ABCC3: variants seen among roughly 807,000 people sequenced by gnomAD.
The protein encoded by ABCC3 is ATP-binding cassette sub-family C member 3.
Under a neutral mutation model 165.3 loss-of-function variants are expected in ABCC3, and 121 were observed. The ratio of observed to expected loss-of-function variants is 0.73; its 90% CI spans 0.63 to 0.85. The LOEUF is 0.85. Ranked by LOEUF, ABCC3 falls within the 40% of genes least tolerant of loss-of-function variation. The probability of loss-of-function intolerance (pLI) is 0.00; values close to 1 mark genes in which losing one functional copy is unlikely to be tolerated. For synonymous variants in ABCC3, 733 were observed against 810.1 expected, an observed-to-expected ratio of 0.90 and a Z score of 1.62; for missense variants, 1,869 against 1,964.1, an observed-to-expected ratio of 0.95 and a Z score of 0.92.
intron 5 of ABCC3, 27 bp downstream of exon 5, chr17:50,658,234 G>A (rs1210206455): frequency 4.3e-6 from 7 of 1,614,072 alleles, no homozygotes; most frequent in African/African-American, 1.3e-5. Context: ...GGGTGCGGGG[G>A]CTCCACAGCT....
At chr17:50,646,335 G>A (rs1381115673) in intron 1 of ABCC3, among the ~76,000 whole-genome samples, 1 of 152,210 alleles carries the variant, frequency 6.6e-6, no homozygotes, top group Non-Finnish European at 1.5e-5. Context: ...GAAAGGCGGG[G>A]AGAGGGTCAT....
In ABCC3 at chr17:50,675,771, G is replaced by A; in HGVS notation, c.2855G>A (p.Gly952Asp). The part of the protein sequence containing the change: ...ALTQEEKAAI[G>D]TVELSVFWDY... ...ACCCAGGAGGAGAAAGCAGCCATTG[G>A]CACTGTGAGTCGGTGGGGCAAGAGG... Residue 952 changes from glycine to aspartate, a missense_variant, in exon 21 of 31, where the codon GGC (glycine) becomes GAC (aspartate). Coordinates refer to ENST00000285238, the MANE Select transcript of ABCC3 (RefSeq NM_003786.4). The A allele has an allele frequency of 6.4e-7, 1 of 1,570,722 alleles. No individual in the cohort carries two copies. The highest frequency in any genetic ancestry group is 1.2e-5 in the South Asian group (1 of 86,240).
chr17:50,679,690 G>GATC, intron 25 of ABCC3, 108 bp from the exon 26 acceptor site: 10 of 1,077,812 alleles, frequency 9.3e-6, no homozygotes, highest in South Asian at 1.4e-5. Context: ...TCATCCATGG[G>GATC]CTAGGATCCC....
chr17:50,649,294 T>C (rs925512385), intron 1 of ABCC3, among the ~76,000 whole-genome samples: 10 of 152,146 alleles, frequency 6.6e-5, no homozygotes, highest in African/African-American at 2.2e-4. Context: ...GCAGTATTAA[T>C]GGACAGAGAA....
chr17:50,666,138 C>A (rs912737405), intron 11 of ABCC3, among the ~76,000 whole-genome samples: 5 of 152,154 alleles, frequency 3.3e-5, no homozygotes, highest in African/African-American at 1.2e-4. Flanking sequence ...CCCCCTCTTG[C>A]CTGCCTAACT....
intron 1 of ABCC3, among the ~76,000 whole-genome samples, chr17:50,637,597 G>A (rs1264450551): frequency 2.0e-5 from 3 of 152,176 alleles, no homozygotes; most frequent in Non-Finnish European, 2.9e-5. Context: ...CCTCTGGGCC[G>A]CTCATTTAAT....
Position 50,658,175 on chromosome 17 carries a change from C to T in ABCC3, c.580C>T (p.Pro194Ser), listed in dbSNP as rs777774507. 15 of 1,614,224 alleles carry T rather than the reference C, an allele frequency of 9.3e-6. No homozygotes were observed. The South Asian group carries it at 1.6e-4, about 18-fold the overall frequency. Residue 194 changes from proline to serine, a missense_variant, in exon 5 of 31, where the codon CCT becomes TCT. Coordinates refer to ENST00000285238, the MANE Select transcript of ABCC3 (RefSeq NM_003786.4). ...ALILACFREK[P>S]PFFSAKNVDP... ...CATCTTGGCCTGCTTCAGGGAGAAA[C>T]CTCCATTTTTCTCCGCAAAGAATGT...
At chr17:50,635,911 A>C in intron 1 of ABCC3, 12 of 243,444 alleles carry the variant, frequency 4.9e-5, no homozygotes, top group South Asian at 8.2e-5. Flanking sequence ...AGAAAAGAAA[A>C]TCAAGCCTTT....
chr17:50,669,597 C>G, intron 17 of ABCC3, 69 bp downstream of exon 17: 1 of 1,520,392 alleles, frequency 6.6e-7, no homozygotes, highest in Non-Finnish European at 9.0e-7. Context: ...AGCCCAGGTC[C>G]ATATATTCAT....
intron 2 of ABCC3, 37 bp downstream of exon 2, chr17:50,656,045 G>A (rs190555992): frequency 1.2e-4 from 171 of 1,452,390 alleles, no homozygotes; most frequent in Admixed American, 6.0e-4. Flanking sequence ...ATGGGGCTGG[G>A]CCCTGGGGAT....
intron 1 of ABCC3, among the ~76,000 whole-genome samples, chr17:50,653,921 T>C (rs1201894156): frequency 2.0e-5 from 3 of 152,238 alleles, no homozygotes; most frequent in Non-Finnish European, 2.9e-5. Flanking sequence ...CAGTCTGCGA[T>C]TGGCTGAAAG....
intron 8 of ABCC3, among the ~76,000 whole-genome samples, chr17:50,661,662 A>G (rs575735681): frequency 6.6e-6 from 1 of 152,360 alleles, no homozygotes; most frequent in African/African-American, 2.4e-5. Context: ...TAATTTGTTC[A>G]GCAAACATTT....
intron 6 of ABCC3, 121 bp downstream of exon 6, chr17:50,658,617 C>T (rs1387658573): frequency 1.9e-5 from 21 of 1,079,286 alleles, no homozygotes; most frequent in Middle Eastern, 2.1e-4. Flanking sequence ...CCCCCCACCG[C>T]AGTGGGCACA....
chr17:50,648,355 C>T (rs562606064), intron 1 of ABCC3, among the ~76,000 whole-genome samples: 8 of 152,110 alleles, frequency 5.3e-5, no homozygotes, highest in East Asian at 1.9e-4. Context: ...CTGAAAGCAG[C>T]GGCTGCTAGG....
chr17:50,670,378 A>C (rs545044891), intron 17 of ABCC3, among the ~76,000 whole-genome samples: 1 of 152,288 alleles, frequency 6.6e-6, no homozygotes, highest in Admixed American at 6.5e-5. Context: ...CACCGTGCCT[A>C]GCCTTAAGCA....
chr17:50,676,600 G>A lies in ABCC3; in HGVS notation c.3378+12G>A. On this transcript the variant is annotated intron_variant, in intron 23 of 30. Coordinates refer to ENST00000285238, the MANE Select transcript of ABCC3 (RefSeq NM_003786.4). ...ACACCTTAGTGCAGGTGTGGGGTGG[G>A]CGTGATTCCAGTGTGGGCGTGGTGT... is the stretch of plus-strand genomic sequence containing the variant. 6.3e-7 allele frequency: 1 copy of A among 1,592,094 alleles called. No individual in the cohort carries two copies. Among genetic ancestry groups the A allele is most frequent in the Non-Finnish European group, 8.6e-7 (1 of 1,166,932 alleles).
At chr17:50,671,732 T>TTTTTTTTA (rs1967651747) in intron 17 of ABCC3, among the ~76,000 whole-genome samples, 1 of 133,888 alleles carries the variant, frequency 7.5e-6, no homozygotes, top group Non-Finnish European at 1.5e-5. Context: ...TTTTTTTTTT[T>TTTTTTTTA]GAGACAAGGC....
chr17:50,663,368 C>T (rs534123149), intron 8 of ABCC3: 7 of 373,242 alleles, frequency 1.9e-5, no homozygotes, highest in Non-Finnish European at 3.5e-5. Context: ...TCAATGGAAA[C>T]GTGGCATTTC....
chr17:50,635,635 C>T (rs2054172765), intron 1 of ABCC3: 2 of 700,752 alleles, frequency 2.9e-6, no homozygotes, highest in South Asian at 3.0e-5. Context: ...AGTCCAACTC[C>T]CTTCTCACAG....
Sources: allele counts gnomAD v4.1 joint callset (sites outside exome capture counted in the v4.1 genomes callset), GRCh38; gene constraint gnomAD v4.1.1; transcripts MANE v1.5; gene names NCBI Gene and HGNC (gene_info 2026-07-23, HGNC 2026-07-21).